Variants in CD99 observed in about 807,000 individuals in gnomAD.
The protein encoded by CD99 is CD99 molecule (Xg blood group), also known as CD99 antigen.
CD99 carries 19 observed loss-of-function variants against 28.4 expected under a neutral mutation model. The observed-to-expected ratio is 0.67, with a 90% CI of 0.47 to 0.98. The LOEUF is 0.98. Ranked by LOEUF, CD99 falls within the 50% of genes least tolerant of loss-of-function variation. CD99 has a pLI of 0.00. For synonymous variants in CD99, 103 were observed against 92.1 expected (o/e 1.12, Z -0.67); for missense variants, 283 against 248.8 (o/e 1.14, Z -0.92).
At position 2,720,398 on chromosome X, in the gene CD99, C is replaced by T; in HGVS notation, c.236C>T (p.Pro79Leu). The T allele has an allele frequency of 6.2e-7, 1 of 1,613,784 alleles. No individual in the cohort carries two copies. Among genetic ancestry groups the T allele is most frequent in the African/African-American group, 1.3e-5 (1 of 74,986 alleles). The change falls in exon 5 of 10, where the codon CCA becomes CTA. Residue 79 changes from proline to leucine, a missense_variant. By Grantham distance (98) the Pro-to-Leu change is moderately conservative (BLOSUM62 -3). Transcript: ENST00000381192. ...AACCCACCCAAACCGATGCCAAATC[C>T]AAACCCCAACCACCCTAGTTCCTCC... ...PPNPPKPMPN[P>L]NPNHPSSSGS...
intron 8 of CD99, chrX:2,727,235 G>A: frequency 1.3e-6 from 1 of 759,996 alleles, no homozygotes; most frequent in Non-Finnish European, 2.5e-6. Context: ...CTTGGATCGG[G>A]ACTAAAATTT....
Position 2,701,167 on chromosome X carries a change from C to T in CD99, c.67+9740C>T, listed in dbSNP as rs780430875. ...CCCATCCATCCACCCAGCTGTCCACCCAACCATCCACCCACTCACTAATTT... is the reference window on the plus strand; with the variant it reads ...CCCATCCATCCACCCAGCTGTCCACTCAACCATCCACCCACTCACTAATTT... On this transcript the variant is annotated intron_variant, in intron 1 of 9. Transcript: ENST00000381192. Among the ~76,000 whole-genome samples the T allele has an allele frequency of 1.7e-4, 26 of 151,888 alleles. 1 individual carries two copies. In the South Asian group the frequency reaches 5.4e-3, roughly 32 times the overall value.
intron 1 of CD99, 150 bp from the exon 2 acceptor site, chrX:2,714,272 G>A: frequency 1.7e-6 from 1 of 590,126 alleles, no homozygotes; most frequent in Non-Finnish European, 3.0e-6. Context: ...TATTTAGAAT[G>A]AGAAGAGAAA....
At chrX:2,695,388 A>G (rs2047524213) in intron 1 of CD99, among the ~76,000 whole-genome samples, 2 of 151,802 alleles carry the variant, frequency 1.3e-5, no homozygotes, top group Admixed American at 6.6e-5. Context: ...TATGTTTAGT[A>G]GAGAAGGGGT....
At chrX:2,723,800 C>G (rs1393880310) in intron 7 of CD99, among the ~76,000 whole-genome samples, 1 of 152,158 alleles carries the variant, frequency 6.6e-6, no homozygotes, top group Admixed American at 6.6e-5. Context: ...GCATTGTGTT[C>G]TCCATGGAAG....
At chrX:2,714,663 T>G (rs1157041803) in intron 2 of CD99, 4 of 442,592 alleles carry the variant, frequency 9.0e-6, no homozygotes, top group Admixed American at 8.1e-5. Context: ...CTAAAAACAG[T>G]ATACTCCAAT....
chrX:2,704,123 G>A (rs1603265084), intron 1 of CD99, among the ~76,000 whole-genome samples: 3 of 152,290 alleles, frequency 2.0e-5, no homozygotes, highest in Admixed American at 1.3e-4. Flanking sequence ...CTCGCAGGGC[G>A]ATTCTGAGAA....
chrX:2,710,891 G>C (rs1319240936), intron 1 of CD99, among the ~76,000 whole-genome samples: 1 of 87,594 alleles, frequency 1.1e-5, no homozygotes, highest in Non-Finnish European at 2.1e-5. Context: ...TTTTTTTTGA[G>C]ATGGAGTCTC....
At chrX:2,730,619 G>T (rs1234001516) in intron 8 of CD99, among the ~76,000 whole-genome samples, 2 of 152,052 alleles carry the variant, frequency 1.3e-5, no homozygotes, top group Admixed American at 6.6e-5. Context: ...TTAACAGAAG[G>T]TCCAACTTTC....
At chrX:2,708,497 A>G (rs761187916) in intron 1 of CD99, among the ~76,000 whole-genome samples, 250 of 152,294 alleles carry the variant, frequency 1.6e-3, no homozygotes, top group African/African-American at 4.9e-3. Context: ...CGAGGGCCCA[A>G]GGTCGATGAT....
At chrX:2,717,128 C>T (rs1309012812) in intron 2 of CD99, among the ~76,000 whole-genome samples, 2 of 152,066 alleles carry the variant, frequency 1.3e-5, no homozygotes, top group Non-Finnish European at 2.9e-5. Context: ...GGGTGGATCA[C>T]CTGAGGTCAG....
At chrX:2,699,716 CAA>C (rs1441475800) in intron 1 of CD99, among the ~76,000 whole-genome samples, 1 of 152,156 alleles carries the variant, frequency 6.6e-6, no homozygotes, top group African/African-American at 2.4e-5. Flanking sequence ...CTTGGCCTGG[CAA>C]AGTCTTGGGT....
intron 2 of CD99, 81 bp downstream of exon 2, chrX:2,714,535 C>T: frequency 8.1e-7 from 1 of 1,232,722 alleles, no homozygotes. Context: ...CAGCCATTTC[C>T]AGCTAGGTTC....
At position 2,740,906 on chromosome X, in the gene CD99, C is replaced by G. The variant is rs1485324968; in HGVS notation, c.*102C>G. 6 of 1,226,844 alleles carry G rather than the reference C, an allele frequency of 4.9e-6. No homozygotes were observed. The East Asian group carries it at 1.2e-4, about 24-fold the overall frequency. 76.0% of individuals were successfully genotyped at this position (1,226,844 alleles called of 1,614,324 possible). A position where few individuals can be genotyped will look rare whatever the true frequency, so the allele number is the denominator to read the frequency against. On this transcript the variant is annotated 3_prime_UTR_variant, in exon 10 of 10. Coordinates refer to ENST00000381192, the MANE Select transcript of CD99 (RefSeq NM_002414.5). ...CCTGCCTGAGAGCAGAGATGGAGGC[C>G]TTCTGTTCACGGCGGATTCTTTGTT...
At chrX:2,723,534 C>T in intron 7 of CD99, 170 bp downstream of exon 7, 2 of 724,006 alleles carry the variant, frequency 2.8e-6, no homozygotes, top group Non-Finnish European at 4.9e-6. Flanking sequence ...TGCAGAGGTC[C>T]CCCAGCAAAC....
chrX:2,706,396 C>T (rs770597301), intron 1 of CD99, among the ~76,000 whole-genome samples: 6 of 152,270 alleles, frequency 3.9e-5, no homozygotes, highest in African/African-American at 1.4e-4. Flanking sequence ...AAACGCTTTG[C>T]CTTTGCTTGG....
intron 1 of CD99, among the ~76,000 whole-genome samples, chrX:2,696,525 T>G (rs1301607284): frequency 6.6e-6 from 1 of 152,138 alleles, no homozygotes; most frequent in Non-Finnish European, 1.5e-5. Flanking sequence ...CTCAGCCTCC[T>G]GAGTACCTGG....
At chrX:2,697,156 C>T (rs148318761) in intron 1 of CD99, among the ~76,000 whole-genome samples, 2,359 of 152,112 alleles carry the variant, frequency 0.016, 57 homozygotes, top group East Asian at 0.084. Context: ...CCCTCTGTCC[C>T]GGTGGGCTGG....
intron 1 of CD99, among the ~76,000 whole-genome samples, chrX:2,700,721 A>G (rs2047812399): frequency 6.6e-6 from 1 of 151,476 alleles, no homozygotes; most frequent in African/African-American, 2.4e-5. Context: ...TGATACATCC[A>G]TCTGTCCACC....
Sources: gnomAD v4.1 joint callset for allele counts (sites outside exome capture counted in the v4.1 genomes callset) on GRCh38, gnomAD v4.1.1 for gene constraint, MANE v1.5 for transcripts, NCBI Gene and HGNC (gene_info 2026-07-23, HGNC 2026-07-21) for gene names.